The following MAGI3 variants were observed in gnomAD, a reference collection of about 807,000 sequenced individuals.
The protein encoded by MAGI3 is membrane-associated guanylate kinase, WW and PDZ domain-containing protein 3.
Under a neutral mutation model 121.8 loss-of-function variants are expected in MAGI3, and 43 were observed. That is an observed-to-expected ratio of 0.35 (90% CI 0.28 to 0.46). MAGI3 has a LOEUF of 0.46. Ranked by LOEUF, MAGI3 falls within the 20% of genes least tolerant of loss-of-function variation. The probability of loss-of-function intolerance (pLI) is 1.00; values close to 1 mark genes in which losing one functional copy is unlikely to be tolerated. For missense variants in MAGI3, 1,547 were observed against 1,797.3 expected (o/e 0.86, Z 2.52); for synonymous variants, 553 against 639.3 (o/e 0.86, Z 2.04).
chr1:113,448,754 G>A (rs1031648376), intron 1 of MAGI3, among the ~76,000 whole-genome samples: 1 of 151,964 alleles, frequency 6.6e-6, no homozygotes, highest in Admixed American at 6.6e-5. Context: ...AAAGTGCTGG[G>A]ATTACAGGCA....
In MAGI3 at chr1:113,514,325, T is replaced by A. The variant is rs1171756757; in HGVS notation, c.317-35190T>A. On this transcript the variant is annotated intron_variant, in intron 1 of 20. Coordinates refer to ENST00000307546, the MANE Select transcript of MAGI3 (RefSeq NM_001142782.2). ...ATGCTGCTATAAAGACACATGCACA[T>A]GTATGTTTATTGCAGCACTATTCAC... Among the ~76,000 whole-genome samples, 5 of 152,110 alleles carry A rather than the reference T, an allele frequency of 3.3e-5. No individual in the cohort carries two copies. The South Asian group carries it at 6.2e-4, about 19-fold the overall frequency.
chr1:113,491,254 A>G (rs1333345104), intron 1 of MAGI3, among the ~76,000 whole-genome samples: 1 of 152,242 alleles, frequency 6.6e-6, no homozygotes, highest in Non-Finnish European at 1.5e-5. Flanking sequence ...TGGCAATTGG[A>G]TAACCTGCTC....
intron 1 of MAGI3, among the ~76,000 whole-genome samples, chr1:113,473,374 C>G (rs367692740): frequency 3.2e-4 from 48 of 152,198 alleles, no homozygotes; most frequent in African/African-American, 1.1e-3. Context: ...ACTAACTCAT[C>G]ATTTACATTA....
At position 113,649,241 on chromosome 1, in the gene MAGI3, A is replaced by G. The variant is rs771604446; in HGVS notation, c.2160A>G (p.Pro720=). 6 of 1,611,224 alleles carry G rather than the reference A, an allele frequency of 3.7e-6. No individual in the cohort carries two copies. The Admixed American group carries it at 1.0e-4, about 27-fold the overall frequency. ...ATATTTTCTGATTTTCCTCAGCACC[A>G]AACACCAAAGATTTGGATGTTTTTC... The part of the protein sequence containing the change: ...KSKTLYEDKP[P]NTKDLDVFLR... The change falls in exon 13 of 21, where the codon CCA becomes CCG. Residue 720 remains proline, a synonymous_variant. Coordinates refer to ENST00000307546, the MANE Select transcript of MAGI3 (RefSeq NM_001142782.2).
At chr1:113,521,070 T>A (rs1470173448) in intron 1 of MAGI3, among the ~76,000 whole-genome samples, 2 of 151,574 alleles carry the variant, frequency 1.3e-5, no homozygotes, top group African/African-American at 4.9e-5. Context: ...TAAGAAAAAT[T>A]TTGCCATAGT....
chr1:113,518,190 A>G (rs544913835), intron 1 of MAGI3, among the ~76,000 whole-genome samples: 2 of 152,112 alleles, frequency 1.3e-5, no homozygotes, highest in South Asian at 2.1e-4. Flanking sequence ...TTCTGTTCCC[A>G]TGGTGGTTCA....
intron 1 of MAGI3, among the ~76,000 whole-genome samples, chr1:113,526,473 G>A (rs1336435927): frequency 6.6e-6 from 1 of 152,238 alleles, no homozygotes; most frequent in African/African-American, 2.4e-5. Flanking sequence ...GTATGAGAGA[G>A]AGAGAACCTA....
chr1:113,534,137 C>T (rs181898568), intron 1 of MAGI3, among the ~76,000 whole-genome samples: 63 of 152,286 alleles, frequency 4.1e-4, no homozygotes, highest in African/African-American at 1.4e-3. Flanking sequence ...TTTTCTGCTG[C>T]GCTGATTCTT....
chr1:113,516,300 T>C (rs1657893605), intron 1 of MAGI3, among the ~76,000 whole-genome samples: 1 of 150,866 alleles, frequency 6.6e-6, no homozygotes, highest in African/African-American at 2.4e-5. Flanking sequence ...AGGACTCCTT[T>C]TAGAAATGGC....
intron 1 of MAGI3, among the ~76,000 whole-genome samples, chr1:113,484,795 T>C (rs1438716973): frequency 6.8e-6 from 1 of 146,876 alleles, no homozygotes; most frequent in African/African-American, 2.5e-5. Context: ...CATGATCTTG[T>C]CTCCCTGCAA....
intron 9 of MAGI3, among the ~76,000 whole-genome samples, chr1:113,638,503 CCT>C (rs926706669): frequency 2.2e-4 from 33 of 152,242 alleles, no homozygotes; most frequent in African/African-American, 7.5e-4. Context: ...CACTCCCTAC[CCT>C]GTTTGCCCGG....
chr1:113,393,223 G>A (rs529893878), intron 1 of MAGI3, among the ~76,000 whole-genome samples: 3 of 152,188 alleles, frequency 2.0e-5, no homozygotes, highest in Non-Finnish European at 2.9e-5. Context: ...CTATGCCCCC[G>A]TATGTAGTTG....
intron 1 of MAGI3, among the ~76,000 whole-genome samples, chr1:113,516,580 T>C (rs1262929604): frequency 1.3e-5 from 2 of 151,904 alleles, no homozygotes; most frequent in Non-Finnish European, 2.9e-5. Context: ...CATATTGATA[T>C]AAATAAATGA....
At chr1:113,537,001 A>T (rs1319778092) in intron 1 of MAGI3, among the ~76,000 whole-genome samples, 1 of 152,068 alleles carries the variant, frequency 6.6e-6, no homozygotes, top group Non-Finnish European at 1.5e-5. Flanking sequence ...CTTTTTTAAT[A>T]TGCCAGTCTA....
chr1:113,683,154 C>T lies in MAGI3; in HGVS notation c.3586C>T (p.Pro1196Ser). Residue 1196 changes from proline (P) to serine (S), a missense_variant, in exon 21 of 21, where the codon CCA becomes TCA. Transcript: ENST00000307546. ...LLQKNVSKRDPPSSHGHSNKK... is the reference protein window; with the variant it reads ...LLQKNVSKRDSPSSHGHSNKK... ...CCAGAAAAATGTGAGTAAGAGGGAT[C>T]CACCCAGCAGTCATGGGCACAGTAA... 6.2e-7 allele frequency: 1 copy of T among 1,613,554 alleles called. No individual in the cohort carries two copies. Among genetic ancestry groups the T allele is most frequent in the Non-Finnish European group, 8.5e-7 (1 of 1,179,804 alleles).
At chr1:113,596,800 CAA>C (rs35702050) in intron 6 of MAGI3, among the ~76,000 whole-genome samples, 3 of 147,674 alleles carry the variant, frequency 2.0e-5, no homozygotes, top group African/African-American at 7.4e-5. Context: ...ATGAGTATAA[CAA>C]AAAAAAAAAC....
chr1:113,461,336 CT>C (rs1429036918), intron 1 of MAGI3, among the ~76,000 whole-genome samples: 1 of 152,256 alleles, frequency 6.6e-6, no homozygotes, highest in South Asian at 2.1e-4. Context: ...TCCAACTATA[CT>C]ACAAGGTTAC....
intron 1 of MAGI3, chr1:113,404,389 T>C (rs1030413551): frequency 6.6e-6 from 1 of 152,170 alleles, no homozygotes; most frequent in Non-Finnish European, 1.5e-5. Context: ...TTGTGAGTTG[T>C]CAAACAGCCA....
intron 6 of MAGI3, among the ~76,000 whole-genome samples, chr1:113,595,105 C>T (rs1411220433): frequency 1.3e-5 from 2 of 152,090 alleles, no homozygotes; most frequent in Non-Finnish European, 2.9e-5. Flanking sequence ...CAGATAATAG[C>T]ACTTATCTGT....
Sources: allele counts gnomAD v4.1 joint callset (sites outside exome capture counted in the v4.1 genomes callset), GRCh38; gene constraint gnomAD v4.1.1; transcripts MANE v1.5; gene names NCBI Gene and HGNC (gene_info 2026-07-23, HGNC 2026-07-21).